The following STK32B variants were observed in gnomAD, a reference collection of about 807,000 sequenced individuals.
STK32B encodes serine/threonine-protein kinase 32B.
A neutral mutation model predicts 52.6 loss-of-function variants in STK32B; 43 were observed. That is an observed-to-expected ratio of 0.82 (90% CI 0.64 to 1.05). The LOEUF (loss-of-function observed/expected upper bound fraction) is 1.05. Ranked by LOEUF, STK32B falls within the 50% of genes least tolerant of loss-of-function variation. STK32B has a pLI of 0.00. For missense variants in STK32B, 621 were observed against 534.6 expected (o/e 1.16, Z -1.59); for synonymous variants, 238 against 204.3 (o/e 1.17, Z -1.41).
chr4:5,219,931 A>G (rs1021330909), intron 3 of STK32B, among the ~76,000 whole-genome samples: 6 of 152,208 alleles, frequency 3.9e-5, no homozygotes, highest in Admixed American at 2.6e-4. Context: ...GAAAGAATAA[A>G]TGTGTCTGCA....
chr4:5,285,566 T>C (rs1310124429), intron 3 of STK32B, among the ~76,000 whole-genome samples: 1 of 152,152 alleles, frequency 6.6e-6, no homozygotes, highest in South Asian at 2.1e-4. Context: ...ATCCTGAGAA[T>C]AACCATAGCA....
intron 3 of STK32B, among the ~76,000 whole-genome samples, chr4:5,229,084 A>T (rs1165976327): frequency 6.6e-6 from 1 of 152,242 alleles, no homozygotes; most frequent in African/African-American, 2.4e-5. Context: ...GCTAAAATAT[A>T]CTAACAAAGT....
chr4:5,241,706 C>T (rs898882962), intron 3 of STK32B, among the ~76,000 whole-genome samples: 4 of 152,054 alleles, frequency 2.6e-5, no homozygotes, highest in African/African-American at 9.7e-5. Flanking sequence ...AGGTATATCT[C>T]CTAATGCTAT....
At chr4:5,489,456 T>A (rs1719509864) in intron 11 of STK32B, among the ~76,000 whole-genome samples, 1 of 152,186 alleles carries the variant, frequency 6.6e-6, no homozygotes, top group African/African-American at 2.4e-5. Context: ...TGCAGGAAGA[T>A]CATTTTGTTT....
chr4:5,334,897 T>G (rs1178552900), intron 4 of STK32B, among the ~76,000 whole-genome samples: 3 of 151,956 alleles, frequency 2.0e-5, no homozygotes, highest in Non-Finnish European at 4.4e-5. Flanking sequence ...TATTGAGGAT[T>G]TTTGCATCAA....
chr4:5,025,196 C>T, the STK32B span, among the ~76,000 whole-genome samples: 130 of 152,306 alleles, frequency 8.5e-4, no homozygotes, highest in African/African-American at 2.8e-3. Flanking sequence ...CCTCCCCCTC[C>T]GCCGTGGTCC....
At chr4:5,048,544 AC>A (rs1269163595), upstream of STK32B, among the ~76,000 whole-genome samples, 22 of 151,934 alleles carry the variant, frequency 1.4e-4, no homozygotes, top group Admixed American at 1.3e-3. Flanking sequence ...TAATCCACCC[AC>A]CTTGGCCTCC....
At chr4:5,486,776 A>G (rs973243692) in intron 11 of STK32B, among the ~76,000 whole-genome samples, 4 of 152,246 alleles carry the variant, frequency 2.6e-5, no homozygotes, top group African/African-American at 4.8e-5. Flanking sequence ...TTGGGAGGAA[A>G]GAATTGCAAT....
At chr4:5,327,684 C>T (rs1464054912) in intron 3 of STK32B, among the ~76,000 whole-genome samples, 1 of 151,980 alleles carries the variant, frequency 6.6e-6, no homozygotes, top group Non-Finnish European at 1.5e-5. Flanking sequence ...ATAGATTTAG[C>T]ATAATTCTTA....
chr4:5,159,209 GTC>G (rs1459072943), intron 2 of STK32B, among the ~76,000 whole-genome samples: 2 of 152,154 alleles, frequency 1.3e-5, no homozygotes. Flanking sequence ...CCATGGTGCA[GTC>G]TCTCTGTGTA....
intron 3 of STK32B, among the ~76,000 whole-genome samples, chr4:5,272,073 G>T (rs1362568678): frequency 6.8e-6 from 1 of 147,554 alleles, no homozygotes; most frequent in African/African-American, 2.6e-5. Context: ...GGGCATCCCT[G>T]TCTTGTGCCA....
At chr4:5,266,409 G>T (rs1318010751) in intron 3 of STK32B, among the ~76,000 whole-genome samples, 1 of 152,200 alleles carries the variant, frequency 6.6e-6, no homozygotes. Flanking sequence ...AAAAGGGTTA[G>T]GTCTGGTTTC....
In STK32B at chr4:5,100,059, C is replaced by A. The variant is rs75034743; in HGVS notation, c.53-39846C>A. Among the ~76,000 whole-genome samples, 724 of 152,076 alleles carry A rather than the reference C, an allele frequency of 4.8e-3. 1 individual carries two copies. Among genetic ancestry groups the A allele is most frequent in the Middle Eastern group, 0.01 (3 of 290 alleles). Reference sequence around the variant, plus strand: ...AAATCAGAGGGTCTCCATTTGTAACCTCTGAAATGAGGCACAGAGAGGTGG... The same window carrying A: ...AAATCAGAGGGTCTCCATTTGTAACATCTGAAATGAGGCACAGAGAGGTGG... On this transcript the variant is annotated intron_variant, in intron 1 of 11. Coordinates refer to ENST00000282908, the MANE Select transcript of STK32B (RefSeq NM_018401.3).
chr4:5,324,018 T>C (rs1731708963), intron 3 of STK32B, among the ~76,000 whole-genome samples: 1 of 152,204 alleles, frequency 6.6e-6, no homozygotes, highest in Admixed American at 6.5e-5. Context: ...TAATAACTCC[T>C]ATCTCAAAGG....
At chr4:5,030,868 T>C in the STK32B span, among the ~76,000 whole-genome samples, 2 of 152,228 alleles carry the variant, frequency 1.3e-5, no homozygotes, top group African/African-American at 4.8e-5. Flanking sequence ...AAAAAGAATG[T>C]GTGTATGTAT....
chr4:5,439,668 A>G (rs1169861239), intron 6 of STK32B, among the ~76,000 whole-genome samples: 1 of 152,172 alleles, frequency 6.6e-6, no homozygotes, highest in East Asian at 1.9e-4. Context: ...TTAGACATGA[A>G]GTCCTTGCCC....
chr4:5,412,979 C>T (rs1025824461), intron 5 of STK32B, among the ~76,000 whole-genome samples: 1 of 152,124 alleles, frequency 6.6e-6, no homozygotes, highest in African/African-American at 2.4e-5. Flanking sequence ...CCTACTCCTT[C>T]CCTTTTTCTC....
At chr4:5,451,494 A>G (rs1274787121) in intron 7 of STK32B, among the ~76,000 whole-genome samples, 1 of 152,194 alleles carries the variant, frequency 6.6e-6, no homozygotes, top group African/African-American at 2.4e-5. Context: ...CATATTATAC[A>G]TAGAACCACA....
At chr4:5,054,290 G>T (rs911347443) in intron 1 of STK32B, among the ~76,000 whole-genome samples, 4 of 152,302 alleles carry the variant, frequency 2.6e-5, no homozygotes, top group African/African-American at 9.6e-5. Flanking sequence ...GTGTGTAAGT[G>T]CCCTGACGTG....
Sources: gnomAD v4.1 joint callset for allele counts (sites outside exome capture counted in the v4.1 genomes callset) on GRCh38, gnomAD v4.1.1 for gene constraint, MANE v1.5 for transcripts, NCBI Gene and HGNC (gene_info 2026-07-23, HGNC 2026-07-21) for gene names.